Variants in EPB41L2 observed in about 807,000 individuals in gnomAD.
EPB41L2 encodes the protein erythrocyte membrane protein band 4.1 like 2.
EPB41L2 carries 43 observed loss-of-function variants against 113.0 expected under a neutral mutation model. That is an observed-to-expected ratio of 0.38 (90% CI 0.30 to 0.49). The LOEUF is 0.49. Among genes scored for constraint, EPB41L2 ranks in the 20% least tolerant of loss-of-function variants. EPB41L2 has a pLI of 0.95. For synonymous variants in EPB41L2, 442 were observed against 436.7 expected (o/e 1.01, Z -0.15); for missense variants, 1,147 against 1,223.4 (o/e 0.94, Z 0.93).
intron 1 of EPB41L2, among the ~76,000 whole-genome samples, chr6:131,024,946 A>G (rs1165657398): frequency 6.6e-6 from 1 of 152,172 alleles, no homozygotes; most frequent in Non-Finnish European, 1.5e-5. Flanking sequence ...TCCTAAGAAC[A>G]GTCTTCTTCC....
chr6:130,967,156 C>G (rs567812874), intron 1 of EPB41L2, among the ~76,000 whole-genome samples: 6 of 152,230 alleles, frequency 3.9e-5, no homozygotes, highest in Non-Finnish European at 8.8e-5. Context: ...TACTCAAGTC[C>G]TGCTGTCAGC....
At chr6:131,062,287 G>A (rs1054460269) in intron 1 of EPB41L2, 1 of 151,982 alleles carries the variant, frequency 6.6e-6, no homozygotes, top group South Asian at 2.1e-4. Flanking sequence ...GGCTGCTGGG[G>A]GCAGCGTCTG....
chr6:131,032,696 A>C (rs1792430992), intron 1 of EPB41L2, among the ~76,000 whole-genome samples: 1 of 152,230 alleles, frequency 6.6e-6, no homozygotes, highest in Non-Finnish European at 1.5e-5. Context: ...TAAAAACTGT[A>C]TGAAAGAGGA....
intron 14 of EPB41L2, among the ~76,000 whole-genome samples, chr6:130,873,176 G>A (rs1004010709): frequency 2.0e-5 from 3 of 152,062 alleles, no homozygotes; most frequent in African/African-American, 7.3e-5. Context: ...AAATTACCCT[G>A]TCCCCTTTTT....
chr6:131,048,182 A>C (rs1470995944), intron 1 of EPB41L2, among the ~76,000 whole-genome samples: 1 of 151,804 alleles, frequency 6.6e-6, no homozygotes, highest in African/African-American at 2.4e-5. Flanking sequence ...AAAAATCTAA[A>C]AACAATAAAA....
chr6:131,024,537 A>G (rs1414944502), intron 1 of EPB41L2, among the ~76,000 whole-genome samples: 1 of 152,190 alleles, frequency 6.6e-6, no homozygotes, highest in Non-Finnish European at 1.5e-5. Flanking sequence ...CAACCACAAG[A>G]GCTATTCACC....
chr6:130,848,895 C>G (rs768116995), intron 19 of EPB41L2, among the ~76,000 whole-genome samples: 5 of 152,276 alleles, frequency 3.3e-5, no homozygotes, highest in African/African-American at 1.2e-4. Context: ...ATGACAGTTA[C>G]GTTAATGTCT....
chr6:130,926,856 A>AT (rs1413033759), intron 3 of EPB41L2, 147 bp from the exon 4 acceptor site: 2 of 576,412 alleles, frequency 3.5e-6, no homozygotes, highest in Non-Finnish European at 5.7e-6. Context: ...AAAGTGATTA[A>AT]TTTTTTAACT....
At chr6:130,988,180 G>T (rs1183157898) in intron 1 of EPB41L2, among the ~76,000 whole-genome samples, 1 of 152,086 alleles carries the variant, frequency 6.6e-6, no homozygotes, top group African/African-American at 2.4e-5. Context: ...TAAAGAATAG[G>T]TATTAAACAC....
intron 1 of EPB41L2, among the ~76,000 whole-genome samples, chr6:131,030,622 A>G (rs1791946824): frequency 6.6e-6 from 1 of 152,226 alleles, no homozygotes; most frequent in Non-Finnish European, 1.5e-5. Context: ...CTTAATCTGA[A>G]TTAAGTTAAT....
intron 1 of EPB41L2, among the ~76,000 whole-genome samples, chr6:131,025,275 C>T (rs1054549989): frequency 6.6e-6 from 1 of 152,018 alleles, no homozygotes; most frequent in Non-Finnish European, 1.5e-5. Flanking sequence ...GATACTACAT[C>T]CAAAAGTACT....
chr6:130,982,105 TAA>T (rs35801276), intron 1 of EPB41L2, among the ~76,000 whole-genome samples: 12 of 133,322 alleles, frequency 9.0e-5, no homozygotes, highest in Admixed American at 3.0e-4. Flanking sequence ...AGCTAAGAAT[TAA>T]AAAAAAAAAA....
chr6:130,965,644 CAAAA>C (rs35081059), intron 1 of EPB41L2, among the ~76,000 whole-genome samples: 36 of 127,868 alleles, frequency 2.8e-4, no homozygotes, highest in Non-Finnish European at 3.6e-4. Flanking sequence ...AAACAGTTAT[CAAAA>C]AAAAAAAAAA....
rs73774401 is a variant in EPB41L2, at chr6:131,050,824, G to A, written c.-15+12331C>T. ...GCCCAGGCTGGTCTTGAATTCCTGA[G>A]CTTAAATGATCTGTCCGCCTTGGCC... is the stretch of plus-strand genomic sequence containing the variant. On this transcript the variant is annotated intron_variant, in intron 1 of 19. Transcript: ENST00000337057. Among the ~76,000 whole-genome samples, 1,365 of 152,258 alleles carry A rather than the reference G, an allele frequency of 9.0e-3. 32 individuals are homozygous for A. Among genetic ancestry groups the A allele is most frequent in the African/African-American group, 0.031 (1,308 of 41,552 alleles).
At chr6:130,993,683 G>T (rs1462750212) in intron 1 of EPB41L2, among the ~76,000 whole-genome samples, 1 of 146,644 alleles carries the variant, frequency 6.8e-6, no homozygotes, top group Non-Finnish European at 1.5e-5. Context: ...GACACCGGCT[G>T]CTGGCGCAAG....
intron 7 of EPB41L2, among the ~76,000 whole-genome samples, chr6:130,900,067 C>CAACTA (rs748132370): frequency 2.0e-5 from 3 of 152,126 alleles, no homozygotes; most frequent in Admixed American, 1.3e-4. Context: ...TCTATATACC[C>CAACTA]AACTAAGTAA....
chr6:130,885,213 C>T lies in EPB41L2; in HGVS notation c.1716G>A (p.Gly572=), dbSNP rs1314473455. 1.2e-6 allele frequency: 2 copies of T among 1,614,132 alleles called. No individual in the cohort carries two copies. Among genetic ancestry groups the T allele is most frequent in the Non-Finnish European group, 1.7e-6 (2 of 1,180,012 alleles). The change falls in exon 12 of 20, where the codon GGG becomes GGA. Residue 572 remains glycine (G), a synonymous_variant. Transcript: ENST00000337057. ...GTCCAGGTCCATAGGCTGAAATCTC[C>T]CCAGCAGCGCCAGGAAAATCCTTCA... ...SLMKDFPGAA[G]EISAYGPGLV... is the part of the protein sequence containing the mutation.
At chr6:130,979,548 GA>G (rs1327626933) in intron 1 of EPB41L2, among the ~76,000 whole-genome samples, 1 of 150,724 alleles carries the variant, frequency 6.6e-6, no homozygotes, top group Admixed American at 6.6e-5. Context: ...AGGGATCCAG[GA>G]GACTAAGATA....
chr6:130,999,740 G>A (rs1198441756), intron 1 of EPB41L2, among the ~76,000 whole-genome samples: 2 of 152,102 alleles, frequency 1.3e-5, no homozygotes, highest in East Asian at 3.9e-4. Context: ...CAATCCTCCT[G>A]AATCATATTA....
Sources: allele counts gnomAD v4.1 joint callset (sites outside exome capture counted in the v4.1 genomes callset), GRCh38; gene constraint gnomAD v4.1.1; transcripts MANE v1.5; gene names NCBI Gene and HGNC (gene_info 2026-07-23, HGNC 2026-07-21).